Variants in HSD17B6 observed in about 807,000 individuals in gnomAD.
HSD17B6 encodes the protein hydroxysteroid 17-beta dehydrogenase 6.
Under a neutral mutation model 26.4 loss-of-function variants are expected in HSD17B6, and 16 were observed. The observed-to-expected ratio is 0.61, with a 90% CI of 0.41 to 0.92. HSD17B6 has a LOEUF of 0.92. Among genes scored for constraint, HSD17B6 ranks in the 40% least tolerant of loss-of-function variants. HSD17B6 has a pLI of 0.00. For missense variants in HSD17B6, 357 were observed against 386.1 expected (o/e 0.92, Z 0.63); for synonymous variants, 139 against 153.0 (o/e 0.91, Z 0.68).
In HSD17B6 at chr12:56,787,166, A is replaced by G; in HGVS notation, c.778A>G (p.Asn260Asp). Residue 260 changes from asparagine to aspartate, a missense_variant, in exon 5 of 5, where the codon AAC (asparagine) becomes GAC (aspartate). By Grantham distance (23) the Asn-to-Asp change is conservative. Transcript: ENST00000322165. ...GGAAGGGCTGTTGAATTGTAGCACA[A>G]ACCTGAACCTGGTCACTGACTGCAT... The part of the protein sequence containing the change: ...MKEGLLNCST[N>D]LNLVTDCMEH... 5 of 1,614,196 alleles carry G rather than the reference A, an allele frequency of 3.1e-6. No individual in the cohort carries two copies. The highest frequency in any genetic ancestry group is 4.2e-6 in the Non-Finnish European group (5 of 1,180,026).
intron 3 of HSD17B6, among the ~76,000 whole-genome samples, chr12:56,784,256 C>G (rs563370539): frequency 4.6e-5 from 7 of 152,212 alleles, no homozygotes; most frequent in African/African-American, 1.7e-4. Context: ...AGAGACGCTC[C>G]TCACTTCCCA....
At chr12:56,779,340 A>AT (rs531886286) in intron 2 of HSD17B6, among the ~76,000 whole-genome samples, 43 of 151,970 alleles carry the variant, frequency 2.8e-4, no homozygotes, top group Admixed American at 7.9e-4. Flanking sequence ...GTCTCACTGC[A>AT]TTGCCCAGGC....
intron 1 of HSD17B6, among the ~76,000 whole-genome samples, chr12:56,765,065 T>A (rs2137890523): frequency 6.6e-6 from 1 of 152,192 alleles, no homozygotes; most frequent in African/African-American, 2.4e-5. Context: ...CCTCAAGTGA[T>A]CTGCCTGCCT....
chr12:56,783,244 G>A lies in HSD17B6; in HGVS notation c.572+1012G>A, dbSNP rs901496423. ...CGGGCAGAGGCGCCCCTCACCTCCC[G>A]GACGGGGTGGCCGGGCGGGGGGCTG... On this transcript the variant is annotated intron_variant, in intron 3 of 4. Transcript: ENST00000322165. Among the ~76,000 whole-genome samples the A allele has an allele frequency of 8.6e-5, 13 of 150,876 alleles. No individual in the cohort carries two copies. In the South Asian group the frequency reaches 2.1e-3, roughly 24 times the overall value.
chr12:56,787,071 C>G, intron 4 of HSD17B6, 54 bp from the exon 5 acceptor site: 4 of 1,388,398 alleles, frequency 2.9e-6, no homozygotes. Context: ...ACTGCATGAT[C>G]TTAAAAATAT....
chr12:56,771,343 T>C (rs1027204519), intron 1 of HSD17B6, among the ~76,000 whole-genome samples: 2 of 152,096 alleles, frequency 1.3e-5, no homozygotes, highest in African/African-American at 4.8e-5. Context: ...AGAGGAATAA[T>C]GATGGGACCT....
chr12:56,768,938 C>A (rs1212975380), intron 1 of HSD17B6, among the ~76,000 whole-genome samples: 1 of 150,600 alleles, frequency 6.6e-6, no homozygotes, highest in Non-Finnish European at 1.5e-5. Context: ...GAGACCTGTG[C>A]TGAATAAGGA....
Position 56,781,968 on chromosome 12 carries a change from T to G in HSD17B6, c.314-6T>G. 6.2e-7 allele frequency: 1 copy of G among 1,612,846 alleles called. No individual in the cohort carries two copies. The highest frequency in any genetic ancestry group is 8.5e-7 in the Non-Finnish European group (1 of 1,179,204). ...AAACTCCTGATATGACTTTTAATTGTTTTAGGACTCTGGGGACTGGTGAAC... is the reference window on the plus strand; with the variant it reads ...AAACTCCTGATATGACTTTTAATTGGTTTAGGACTCTGGGGACTGGTGAAC... On this transcript the variant is annotated splice_region_variant and splice_polypyrimidine_tract_variant and intron_variant, in intron 2 of 4. Coordinates refer to ENST00000322165, the MANE Select transcript of HSD17B6 (RefSeq NM_003725.4).
intron 1 of HSD17B6, among the ~76,000 whole-genome samples, chr12:56,767,666 TG>T (rs1954367757): frequency 6.9e-6 from 1 of 144,762 alleles, no homozygotes; most frequent in South Asian, 2.1e-4. Flanking sequence ...ATATATATAG[TG>T]TATATATTAT....
At chr12:56,786,821 C>T (rs1343520973) in intron 4 of HSD17B6, among the ~76,000 whole-genome samples, 1 of 152,114 alleles carries the variant, frequency 6.6e-6, no homozygotes, top group Non-Finnish European at 1.5e-5. Flanking sequence ...TACACTCCAA[C>T]CTGGGTGACA....
chr12:56,777,229 G>A (rs1417957863), intron 2 of HSD17B6, among the ~76,000 whole-genome samples: 3 of 152,112 alleles, frequency 2.0e-5, no homozygotes, highest in African/African-American at 4.8e-5. Context: ...TAGAGTAGCT[G>A]GGACTACAGG....
chr12:56,780,061 A>G (rs1014173656), intron 2 of HSD17B6, among the ~76,000 whole-genome samples: 31 of 152,228 alleles, frequency 2.0e-4, no homozygotes, highest in Non-Finnish European at 3.5e-4. Context: ...TCATGTCTTG[A>G]TAAGTCAGTT....
intron 2 of HSD17B6, among the ~76,000 whole-genome samples, chr12:56,776,033 C>T (rs1054135018): frequency 3.9e-5 from 6 of 152,182 alleles, no homozygotes; most frequent in African/African-American, 9.7e-5. Flanking sequence ...TCAAGCGATT[C>T]GCCTTTCTCA....
intron 4 of HSD17B6, 151 bp downstream of exon 4, chr12:56,785,167 C>T (rs1954849716): frequency 1.3e-6 from 1 of 795,576 alleles, no homozygotes; most frequent in Admixed American, 3.0e-5. Context: ...CCTCAGGAAA[C>T]TTATAATCAT....
intron 2 of HSD17B6, among the ~76,000 whole-genome samples, chr12:56,777,514 G>C (rs1416131799): frequency 6.6e-6 from 1 of 151,882 alleles, no homozygotes; most frequent in Non-Finnish European, 1.5e-5. Flanking sequence ...ACAGGCGCCC[G>C]CCACCATACC....
chr12:56,767,846 A>T (rs754003650), intron 1 of HSD17B6, among the ~76,000 whole-genome samples: 1 of 148,116 alleles, frequency 6.8e-6, no homozygotes, highest in Non-Finnish European at 1.5e-5. Context: ...TATATATAAA[A>T]ATATATGTGT....
intron 1 of HSD17B6, among the ~76,000 whole-genome samples, chr12:56,769,073 G>A (rs959283827): frequency 4.8e-4 from 72 of 151,194 alleles, no homozygotes; most frequent in Admixed American, 9.3e-4. Flanking sequence ...GGATGGGGCT[G>A]TGCAGAGAGG....
intron 1 of HSD17B6, among the ~76,000 whole-genome samples, chr12:56,771,603 C>T (rs777972137): frequency 2.2e-4 from 34 of 151,844 alleles, no homozygotes; most frequent in Admixed American, 1.9e-3. Flanking sequence ...GGATTACAGG[C>T]GCCCACAATC....
At chr12:56,771,604 G>A (rs1449587634) in intron 1 of HSD17B6, among the ~76,000 whole-genome samples, 1 of 151,800 alleles carries the variant, frequency 6.6e-6, no homozygotes, top group Non-Finnish European at 1.5e-5. Flanking sequence ...GATTACAGGC[G>A]CCCACAATCA....
Sources: gnomAD v4.1 joint callset for allele counts (sites outside exome capture counted in the v4.1 genomes callset) on GRCh38, gnomAD v4.1.1 for gene constraint, MANE v1.5 for transcripts, NCBI Gene and HGNC (gene_info 2026-07-23, HGNC 2026-07-21) for gene names.